The following CYP4X1 variants were observed in gnomAD, a reference collection of about 807,000 sequenced individuals.
CYP4X1 encodes the protein cytochrome P450 4X1.
Under a neutral mutation model 57.9 loss-of-function variants are expected in CYP4X1, and 44 were observed. The ratio of observed to expected loss-of-function variants is 0.76; its 90% confidence interval spans 0.60 to 0.98. CYP4X1 has a LOEUF of 0.98. Ranked by LOEUF, CYP4X1 falls within the 50% of genes least tolerant of loss-of-function variation. The probability of loss-of-function intolerance (pLI) is 0.00; values close to 1 mark genes in which losing one functional copy is unlikely to be tolerated. For missense variants in CYP4X1, 532 were observed against 623.9 expected (o/e 0.85, Z 1.57); for synonymous variants, 227 against 228.6 (o/e 0.99, Z 0.06).
chr1:47,020,685 G>A (rs1245171814), upstream of CYP4X1, among the ~76,000 whole-genome samples: 1 of 152,112 alleles, frequency 6.6e-6, no homozygotes, highest in Non-Finnish European at 1.5e-5. Flanking sequence ...CACATTGGTG[G>A]GCTGCAATGC....
In CYP4X1 at chr1:47,050,278, AG is replaced by A; in HGVS notation, c.*106del. On this transcript the variant is annotated 3_prime_UTR_variant, in exon 12 of 12. Transcript: ENST00000371901. ...GATCAATGTATGGTGGGAGGATTGG[AG>A]GTTGGTGGGATAGGGGTCTCTGTGA... The A allele has an allele frequency of 1.5e-6, 2 of 1,366,906 alleles. No individual in the cohort carries two copies. Among genetic ancestry groups the A allele is most frequent in the Non-Finnish European group, 2.0e-6 (2 of 985,720 alleles). 84.7% of individuals were successfully genotyped at this position (1,366,906 alleles called of 1,614,324 possible). A position where few individuals can be genotyped will look rare whatever the true frequency, so the allele number is the denominator to read the frequency against.
the CYP4X1 span, among the ~76,000 whole-genome samples, chr1:46,987,851 A>C: frequency 6.6e-6 from 1 of 152,168 alleles, no homozygotes; most frequent in Non-Finnish European, 1.5e-5. Flanking sequence ...ACAAACACAA[A>C]ACATACCAGA....
the CYP4X1 span, among the ~76,000 whole-genome samples, chr1:47,018,344 A>G: frequency 6.6e-6 from 1 of 152,162 alleles, no homozygotes; most frequent in Non-Finnish European, 1.5e-5. Context: ...TACTGGCTCT[A>G]TCAGTTTTTA....
At chr1:46,993,923 T>G in the CYP4X1 span, among the ~76,000 whole-genome samples, 1 of 152,236 alleles carries the variant, frequency 6.6e-6, no homozygotes, top group African/African-American at 2.4e-5. Flanking sequence ...GTGCAGAAGC[T>G]CTTTAGTTTA....
chr1:47,045,982 C>T (rs1343519120), intron 8 of CYP4X1, among the ~76,000 whole-genome samples: 1 of 152,150 alleles, frequency 6.6e-6, no homozygotes, highest in African/African-American at 2.4e-5. Context: ...TCCTGTACTC[C>T]CCAAACTCCA....
At chr1:46,965,767 C>T in the CYP4X1 span, among the ~76,000 whole-genome samples, 48 of 152,360 alleles carry the variant, frequency 3.2e-4, 1 homozygote, top group African/African-American at 1.1e-3. Flanking sequence ...CCTTCCTCAT[C>T]TGGACCATTT....
the CYP4X1 span, among the ~76,000 whole-genome samples, chr1:46,971,507 C>T: frequency 2.9e-3 from 448 of 152,294 alleles, 2 homozygotes; most frequent in Non-Finnish European, 4.1e-3. Flanking sequence ...GATTGCTTTC[C>T]ACAGTGGTTT....
At chr1:46,965,398 C>T in the CYP4X1 span, among the ~76,000 whole-genome samples, 1 of 151,156 alleles carries the variant, frequency 6.6e-6, no homozygotes, top group Non-Finnish European at 1.5e-5. Context: ...TTGGAACTGC[C>T]CCCACTCTTT....
the CYP4X1 span, among the ~76,000 whole-genome samples, chr1:46,974,578 T>A: frequency 1.3e-5 from 2 of 152,168 alleles, no homozygotes; most frequent in Admixed American, 6.5e-5. Context: ...TTCATAAGTC[T>A]CTAAGGTCTT....
Position 47,050,143 on chromosome 1 carries a change from A to C in CYP4X1, c.1499A>C (p.Tyr500Ser). The change falls in exon 12 of 12, where the codon TAT (tyrosine) becomes TCT (serine). Residue 500 changes from tyrosine to serine, a missense_variant. Physicochemically the swap from Tyr to Ser is moderately radical, Grantham distance 144. Transcript: ENST00000371901. ...HFILKPKNGMYLHLKKLSEC is the reference protein window; with the variant it reads ...HFILKPKNGMSLHLKKLSEC ...ATCCTCAAGCCCAAGAATGGGATGT[A>C]TTTGCACCTGAAGAAACTCTCTGAA... 1 of 1,613,944 alleles carries C rather than the reference A, an allele frequency of 6.2e-7. No individual in the cohort carries two copies. Among genetic ancestry groups the C allele is most frequent in the Non-Finnish European group, 8.5e-7 (1 of 1,179,948 alleles).
At chr1:46,985,975 C>G in the CYP4X1 span, among the ~76,000 whole-genome samples, 1 of 152,162 alleles carries the variant, frequency 6.6e-6, no homozygotes, top group Non-Finnish European at 1.5e-5. Context: ...TCCAAATGAT[C>G]ACAACTCCTC....
the CYP4X1 span, chr1:47,003,113 T>C: frequency 6.6e-6 from 1 of 152,202 alleles, no homozygotes; most frequent in Non-Finnish European, 1.5e-5. Flanking sequence ...TTCAGAAATC[T>C]ACCCATTTCT....
rs1039393294 is a variant in CYP4X1 at position 47,029,854 on chromosome 1, C to T, written c.178-136C>T. The T allele has an allele frequency of 5.7e-6, 5 of 880,124 alleles. No individual in the cohort carries two copies. In the African/African-American group the frequency reaches 6.8e-5, roughly 12 times the overall value. The allele number at this position is 880,124 out of a possible 1,614,324, so 54.5% of individuals were successfully genotyped here. A position where few individuals can be genotyped will look rare whatever the true frequency, so the allele number is the denominator to read the frequency against. Reference sequence around the variant, plus strand: ...CCAAGCTTAGAAGTCCCAAAGAAAGCATGTTATGTCACTTCCAGAAAAGTC... The same window carrying T: ...CCAAGCTTAGAAGTCCCAAAGAAAGTATGTTATGTCACTTCCAGAAAAGTC... On this transcript the variant is annotated intron_variant, in intron 1 of 11. Coordinates refer to ENST00000371901, the MANE Select transcript of CYP4X1 (RefSeq NM_178033.2).
At chr1:47,009,501 C>T in the CYP4X1 span, among the ~76,000 whole-genome samples, 1 of 152,060 alleles carries the variant, frequency 6.6e-6, no homozygotes, top group Non-Finnish European at 1.5e-5. Context: ...ATTAAAAGAA[C>T]TAGAGAAGCA....
the CYP4X1 span, among the ~76,000 whole-genome samples, chr1:46,989,625 G>A: frequency 1.3e-5 from 2 of 152,096 alleles, no homozygotes; most frequent in Non-Finnish European, 2.9e-5. Context: ...AAAGCTGGAG[G>A]CATCACACTA....
chr1:47,013,012 G>C, the CYP4X1 span, among the ~76,000 whole-genome samples: 8 of 151,884 alleles, frequency 5.3e-5, no homozygotes, highest in Non-Finnish European at 1.2e-4. Flanking sequence ...TAAATAAGTA[G>C]TTACCAGCTT....
At chr1:47,037,914 A>G (rs1181630404) in intron 6 of CYP4X1, among the ~76,000 whole-genome samples, 1 of 152,174 alleles carries the variant, frequency 6.6e-6, no homozygotes, top group Non-Finnish European at 1.5e-5. Context: ...CATTATTTAA[A>G]AGTTTATCTT....
the CYP4X1 span, among the ~76,000 whole-genome samples, chr1:46,970,720 C>G: frequency 1.3e-5 from 2 of 152,132 alleles, no homozygotes; most frequent in Non-Finnish European, 2.9e-5. Context: ...AGTCTTGTGG[C>G]ACCTGCAGAA....
At chr1:47,013,314 CAGACTTTGGGAGCCACAT>C in the CYP4X1 span, among the ~76,000 whole-genome samples, 1 of 152,198 alleles carries the variant, frequency 6.6e-6, no homozygotes, top group Non-Finnish European at 1.5e-5. Flanking sequence ...ATACAGAAGA[CAGACTTTGGGAGCCACAT>C]ATGACCAAGG....
Sources: allele counts gnomAD v4.1 joint callset (sites outside exome capture counted in the v4.1 genomes callset), GRCh38; gene constraint gnomAD v4.1.1; transcripts MANE v1.5; gene names NCBI Gene and HGNC (gene_info 2026-07-23, HGNC 2026-07-21).